The following GJA1 variants were observed in gnomAD, a reference collection of about 807,000 sequenced individuals.
GJA1 encodes gap junction alpha-1 protein.
Under a neutral mutation model 31.0 loss-of-function variants are expected in GJA1, and 9 were observed. The ratio of observed to expected loss-of-function variants is 0.29; its 90% CI spans 0.17 to 0.51. The LOEUF (loss-of-function observed/expected upper bound fraction) is 0.51, where lower values mean the gene tolerates loss of function less well. GJA1 is among the 20% of genes least tolerant of loss of function. The pLI is 0.98. For missense variants in GJA1, 278 were observed against 468.8 expected (o/e 0.59, Z 3.76); for synonymous variants, 186 against 180.1 (o/e 1.03, Z -0.26).
Position 121,448,071 on chromosome 6 carries a change from G to C in GJA1, c.*75G>C. 7.5e-7 allele frequency: 1 copy of C among 1,333,612 alleles called. No homozygotes were observed. The highest frequency in any genetic ancestry group is 1.1e-6 in the Non-Finnish European group (1 of 926,110). The allele number at this position is 1,333,612 out of a possible 1,614,324, so 82.6% of individuals were successfully genotyped here. A position where few individuals can be genotyped will look rare whatever the true frequency, so the allele number is the denominator to read the frequency against. On this transcript the variant is annotated 3_prime_UTR_variant, in exon 2 of 2. Coordinates refer to ENST00000282561, the MANE Select transcript of GJA1 (RefSeq NM_000165.5). ...AGGTGCTGTAGAAAGTGCACCAGGT[G>C]TTAATTTTGATCCGGTGGAGGTGGT...
chr6:121,436,478 A>G (rs1773665130), intron 1 of GJA1, among the ~76,000 whole-genome samples: 1 of 152,204 alleles, frequency 6.6e-6, no homozygotes, highest in African/African-American at 2.4e-5. Context: ...ATTATGCTTT[A>G]AAAATCAACA....
At chr6:121,437,498 G>C (rs1773690015) in intron 1 of GJA1, among the ~76,000 whole-genome samples, 1 of 152,048 alleles carries the variant, frequency 6.6e-6, no homozygotes, top group African/African-American at 2.4e-5. Context: ...TCCCGAGAAT[G>C]AGGCGGGGCG....
intron 1 of GJA1, among the ~76,000 whole-genome samples, chr6:121,441,416 A>G (rs1018919715): frequency 1.3e-5 from 2 of 152,186 alleles, no homozygotes; most frequent in African/African-American, 4.8e-5. Flanking sequence ...ACAGCAGTGA[A>G]CAAAGCAAAC....
At chr6:121,441,657 C>T (rs1359139534) in intron 1 of GJA1, among the ~76,000 whole-genome samples, 1 of 152,112 alleles carries the variant, frequency 6.6e-6, no homozygotes, top group Non-Finnish European at 1.5e-5. Context: ...GAGGTGAGAC[C>T]TGCAACAAGT....
chr6:121,444,800 T>C (rs1183402473), intron 1 of GJA1, among the ~76,000 whole-genome samples: 1 of 152,248 alleles, frequency 6.6e-6, no homozygotes, highest in African/African-American at 2.4e-5. Context: ...TTTGTCCTTT[T>C]CTAAATCCTC....
intron 1 of GJA1, among the ~76,000 whole-genome samples, chr6:121,441,742 C>G (rs1036108606): frequency 1.3e-5 from 2 of 152,016 alleles, no homozygotes; most frequent in African/African-American, 4.8e-5. Flanking sequence ...TCAAGATTGA[C>G]TGATTACTCG....
rs1265524797 is a variant in GJA1 at position 121,446,967 on chromosome 6, G to A, written c.120G>A (p.Ala40=). ...FIFRILLLGT[A]VESAWGDEQS... The stretch of plus-strand genomic sequence containing the variant: ...TCCGAATCCTGCTGCTGGGGACAGC[G>A]GTTGAGTCAGCCTGGGGAGATGAGC... The change falls in exon 2 of 2, where the codon GCG becomes GCA. Residue 40 remains alanine (A), a synonymous_variant. Coordinates refer to ENST00000282561, the MANE Select transcript of GJA1 (RefSeq NM_000165.5). 5.0e-6 allele frequency: 8 copies of A among 1,613,960 alleles called. No homozygotes were observed. Among genetic ancestry groups the A allele is most frequent in the East Asian group, 2.2e-5 (1 of 44,886 alleles).
chr6:121,449,139 T>G lies in GJA1; in HGVS notation c.*1143T>G, dbSNP rs765423162. The G allele has an allele frequency of 2.4e-5, 4 of 167,014 alleles. No homozygotes were observed. The highest frequency in any genetic ancestry group is 4.4e-5 in the Non-Finnish European group (3 of 68,122). 10.3% of individuals were successfully genotyped at this position (167,014 alleles called of 1,614,324 possible). On this transcript the variant is annotated 3_prime_UTR_variant, in exon 2 of 2. Coordinates refer to ENST00000282561, the MANE Select transcript of GJA1 (RefSeq NM_000165.5). ...ATGCTATTACTGAAATGAATTTCCT[T>G]TTTCTGAAATGTAATCATTGATGCT...
chr6:121,438,519 G>C (rs1773707805), intron 1 of GJA1, among the ~76,000 whole-genome samples: 1 of 151,312 alleles, frequency 6.6e-6, no homozygotes, highest in Non-Finnish European at 1.5e-5. Flanking sequence ...CTACATCCAG[G>C]GGTGTAGCTT....
intron 1 of GJA1, among the ~76,000 whole-genome samples, chr6:121,442,292 G>A (rs112894998): frequency 3.3e-5 from 5 of 152,234 alleles, no homozygotes; most frequent in African/African-American, 1.2e-4. Context: ...TATATTAATG[G>A]CATGGAAAGA....
intron 1 of GJA1, among the ~76,000 whole-genome samples, chr6:121,445,817 G>C (rs1228746484): frequency 6.6e-6 from 1 of 152,096 alleles, no homozygotes; most frequent in African/African-American, 2.4e-5. Context: ...GCTGACTTCT[G>C]AGCTACATAA....
chr6:121,447,016 C>T lies in GJA1; in HGVS notation c.169C>T (p.Gln57Ter), dbSNP rs1166932620. 6.2e-7 allele frequency: 1 copy of T among 1,613,910 alleles called. No individual in the cohort carries two copies. Among genetic ancestry groups the T allele is most frequent in the South Asian group, 1.1e-5 (1 of 91,074 alleles). ...DEQSAFRCNT[Q>*]QPGCENVCYD... ...GCAGTCTGCCTTTCGTTGTAACACT[C>T]AGCAACCTGGTTGTGAAAATGTCTG... The change falls in exon 2 of 2, where the codon CAG (glutamine) becomes TAG (stop). Residue 57 changes from glutamine (Q) to a stop codon, truncating the protein, a stop_gained. Transcript: ENST00000282561. LOFTEE classifies it high-confidence loss of function.
intron 1 of GJA1, among the ~76,000 whole-genome samples, chr6:121,437,753 G>A (rs1360498116): frequency 6.6e-6 from 1 of 151,870 alleles, no homozygotes; most frequent in Non-Finnish European, 1.5e-5. Context: ...GAAGGGGAGA[G>A]CTACACAATG....
rs1393120578 is a variant in GJA1 at position 121,448,176 on chromosome 6, A to G, written c.*180A>G. 1 of 669,514 alleles carries G rather than the reference A, an allele frequency of 1.5e-6. No homozygotes were observed. Among genetic ancestry groups the G allele is most frequent in the African/African-American group, 1.8e-5 (1 of 55,994 alleles). 41.5% of individuals were successfully genotyped at this position (669,514 alleles called of 1,614,324 possible). ...GGTTCACTGGGGGTGTATGGGGTAG[A>G]TGGGTGGAGAGGGAGGGGATAAGAG... On this transcript the variant is annotated 3_prime_UTR_variant, in exon 2 of 2. Coordinates refer to ENST00000282561, the MANE Select transcript of GJA1 (RefSeq NM_000165.5).
At chr6:121,441,837 C>T (rs764975443) in intron 1 of GJA1, among the ~76,000 whole-genome samples, 1 of 152,068 alleles carries the variant, frequency 6.6e-6, no homozygotes, top group Non-Finnish European at 1.5e-5. Flanking sequence ...CTAAGGGTGG[C>T]TGTTTTAAGT....
chr6:121,443,239 A>C (rs1773826873), intron 1 of GJA1, among the ~76,000 whole-genome samples: 1 of 152,174 alleles, frequency 6.6e-6, no homozygotes, highest in South Asian at 2.1e-4. Context: ...ATTCATGGCA[A>C]AGTGAGCAAC....
In GJA1 at chr6:121,438,786, C is replaced by A. The variant is rs1455004652; in HGVS notation, c.-17+2954C>A. Among the ~76,000 whole-genome samples the A allele has an allele frequency of 2.6e-5, 4 of 152,112 alleles. No homozygotes were observed. In the East Asian group the frequency reaches 5.8e-4, roughly 22 times the overall value. ...TTAAAAAATCTCCAGAGCATCTCTT[C>A]CATGGGAGATTAATGTATATATTTT... On this transcript the variant is annotated intron_variant, in intron 1 of 1. Transcript: ENST00000282561.
chr6:121,443,322 A>G (rs981450730), intron 1 of GJA1, among the ~76,000 whole-genome samples: 7 of 152,184 alleles, frequency 4.6e-5, no homozygotes, highest in African/African-American at 1.7e-4. Context: ...ATTTGATGGT[A>G]TCTATGATAG....
chr6:121,448,350 T>C lies in GJA1; in HGVS notation c.*354T>C. On this transcript the variant is annotated 3_prime_UTR_variant, in exon 2 of 2. Transcript: ENST00000282561. ...TATGTGAATGAGCGGGTGGTAATTG[T>C]GGCTAAATATTTTTGTTTTACCAAG... 1 of 282,018 alleles carries C rather than the reference T, an allele frequency of 3.5e-6. No individual in the cohort carries two copies. Among genetic ancestry groups the C allele is most frequent in the Non-Finnish European group, 7.2e-6 (1 of 138,204 alleles). The allele number at this position is 282,018 out of a possible 1,614,324, so 17.5% of individuals were successfully genotyped here.
Sources: allele counts gnomAD v4.1 joint callset (sites outside exome capture counted in the v4.1 genomes callset), GRCh38; gene constraint gnomAD v4.1.1; transcripts MANE v1.5; gene names NCBI Gene and HGNC (gene_info 2026-07-23, HGNC 2026-07-21).